RAB3C: variants seen among roughly 807,000 people sequenced by gnomAD.
RAB3C encodes the protein ras-related protein Rab-3C.
A neutral mutation model predicts 26.4 loss-of-function variants in RAB3C; 17 were observed. The ratio of observed to expected loss-of-function variants is 0.64; its 90% CI spans 0.44 to 0.97. The LOEUF is 0.97. Ranked by LOEUF, RAB3C falls within the 50% of genes least tolerant of loss-of-function variation. The pLI is 0.00. For synonymous variants in RAB3C, 91 were observed against 95.9 expected (o/e 0.95, Z 0.30); for missense variants, 242 against 281.9 (o/e 0.86, Z 1.01).
intron 2 of RAB3C, among the ~76,000 whole-genome samples, chr5:58,721,238 AT>A (rs769069861): frequency 1.1e-4 from 15 of 134,614 alleles, no homozygotes; most frequent in African/African-American, 3.6e-4. Context: ...AACTGAAATA[AT>A]TTTTTTTTCA....
chr5:58,621,450 A>G (rs1746935554), intron 2 of RAB3C, among the ~76,000 whole-genome samples: 1 of 152,220 alleles, frequency 6.6e-6, no homozygotes, highest in Non-Finnish European at 1.5e-5. Context: ...CTACTACATT[A>G]TACTTCTTCT....
chr5:58,686,718 A>C (rs1748452438), intron 2 of RAB3C, among the ~76,000 whole-genome samples: 1 of 151,814 alleles, frequency 6.6e-6, no homozygotes, highest in African/African-American at 2.4e-5. Context: ...ACACGCATGC[A>C]GTTAATTCTT....
intron 3 of RAB3C, among the ~76,000 whole-genome samples, chr5:58,750,414 T>C (rs1007077189): frequency 6.6e-6 from 1 of 152,244 alleles, no homozygotes; most frequent in African/African-American, 2.4e-5. Flanking sequence ...AAATGCATGA[T>C]ATATGTGTTG....
intron 1 of RAB3C, among the ~76,000 whole-genome samples, chr5:58,605,787 C>A (rs1276782064): frequency 6.6e-6 from 1 of 152,132 alleles, no homozygotes. Context: ...CGCTTGTAAT[C>A]CCTGCTACTT....
At position 58,858,628 on chromosome 5, in the gene RAB3C, T is replaced by A. The variant is rs1251622032; in HGVS notation, c.*7277T>A. On this transcript the variant is annotated 3_prime_UTR_variant, in exon 5 of 5. Transcript: ENST00000282878. ...CGGAAAGAATTAGGTAGTGAGGAGA[T>A]TGTGCCAGGAAAATAAGTGGGAAAG... 6.6e-6 allele frequency: 1 copy of A among 152,006 alleles called. No homozygotes were observed. Among genetic ancestry groups the A allele is most frequent in the Non-Finnish European group, 1.5e-5 (1 of 68,010 alleles). 9.4% of individuals were successfully genotyped at this position (152,006 alleles called of 1,614,324 possible).
At chr5:58,839,150 T>A (rs560227365) in intron 4 of RAB3C, among the ~76,000 whole-genome samples, 10 of 152,092 alleles carry the variant, frequency 6.6e-5, no homozygotes, top group Middle Eastern at 3.4e-3. Flanking sequence ...GATTTTTTTT[T>A]AATCTATTCA....
intron 3 of RAB3C, among the ~76,000 whole-genome samples, chr5:58,763,748 G>C (rs191442180): frequency 3.7e-4 from 57 of 152,282 alleles, no homozygotes; most frequent in Admixed American, 2.5e-3. Flanking sequence ...GAAAAGCATG[G>C]TGATTTAGAG....
chr5:58,724,809 T>TG (rs1011846703), intron 2 of RAB3C, among the ~76,000 whole-genome samples: 1 of 150,766 alleles, frequency 6.6e-6, no homozygotes, highest in Admixed American at 6.6e-5. Flanking sequence ...AAGAAACAAA[T>TG]GAAAAAAAAA....
chr5:58,728,495 C>T (rs1403998052), intron 3 of RAB3C, among the ~76,000 whole-genome samples: 1 of 152,032 alleles, frequency 6.6e-6, no homozygotes, highest in African/African-American at 2.4e-5. Context: ...TCTTCAGGTT[C>T]CACCCTCTAC....
intron 3 of RAB3C, among the ~76,000 whole-genome samples, chr5:58,797,693 C>T (rs923950240): frequency 2.6e-5 from 4 of 151,948 alleles, no homozygotes; most frequent in Non-Finnish European, 4.4e-5. Flanking sequence ...GGAAAACAAG[C>T]GCTGTGAATC....
chr5:58,822,720 G>GCAGCATAT (rs1743370960), intron 3 of RAB3C: 8 of 470,522 alleles, frequency 1.7e-5, no homozygotes, highest in Admixed American at 1.3e-4. Flanking sequence ...AAGGGGATAC[G>GCAGCATAT]GTAGTCTGCG....
intron 3 of RAB3C, among the ~76,000 whole-genome samples, chr5:58,808,323 A>T (rs1191876902): frequency 5.3e-5 from 8 of 152,174 alleles, no homozygotes; most frequent in Non-Finnish European, 1.2e-4. Flanking sequence ...GGAGAATTTG[A>T]CACAGTACAC....
chr5:58,795,317 C>G (rs190663139), intron 3 of RAB3C, among the ~76,000 whole-genome samples: 22 of 152,200 alleles, frequency 1.4e-4, no homozygotes, highest in Non-Finnish European at 2.9e-4. Flanking sequence ...AGTATAAGAA[C>G]GGACTAATAT....
At chr5:58,845,368 G>C (rs942401941) in intron 4 of RAB3C, among the ~76,000 whole-genome samples, 2 of 152,012 alleles carry the variant, frequency 1.3e-5, no homozygotes, top group African/African-American at 4.8e-5. Flanking sequence ...GAAGGTATTA[G>C]AATGCCCTCC....
intron 2 of RAB3C, among the ~76,000 whole-genome samples, chr5:58,621,839 G>T (rs1402916058): frequency 2.0e-5 from 3 of 152,130 alleles, no homozygotes; most frequent in Admixed American, 6.5e-5. Flanking sequence ...GCCTCCCAAA[G>T]TGCTGGGATT....
chr5:58,849,553 C>A (rs533828634), intron 4 of RAB3C, among the ~76,000 whole-genome samples: 6 of 152,042 alleles, frequency 3.9e-5, no homozygotes, highest in Non-Finnish European at 7.4e-5. Flanking sequence ...AAAATGTAGA[C>A]TATAAGAGAG....
chr5:58,612,895 T>C (rs748706847), intron 1 of RAB3C, among the ~76,000 whole-genome samples: 152 of 152,182 alleles, frequency 1.0e-3, no homozygotes, highest in Non-Finnish European at 2.1e-3. Flanking sequence ...CATCCTTGTC[T>C]TGTGCTGGTT....
chr5:58,718,995 G>A (rs1229565942), intron 2 of RAB3C, among the ~76,000 whole-genome samples: 1 of 151,944 alleles, frequency 6.6e-6, no homozygotes, highest in Non-Finnish European at 1.5e-5. Flanking sequence ...TTCTAAAAAT[G>A]CAACTTGGGA....
At chr5:58,684,223 G>C (rs1335691978) in intron 2 of RAB3C, among the ~76,000 whole-genome samples, 1 of 152,202 alleles carries the variant, frequency 6.6e-6, no homozygotes, top group Admixed American at 6.5e-5. Flanking sequence ...ATAATTTAAA[G>C]TATCCAGGAG....
Sources: allele counts gnomAD v4.1 joint callset (sites outside exome capture counted in the v4.1 genomes callset), GRCh38; gene constraint gnomAD v4.1.1; transcripts MANE v1.5; gene names NCBI Gene and HGNC (gene_info 2026-07-23, HGNC 2026-07-21).